Variants in CDKL2 observed in about 807,000 individuals in gnomAD.
The protein encoded by CDKL2 is cyclin dependent kinase like 2, also known as cyclin-dependent kinase-like 2.
Under a neutral mutation model 63.9 loss-of-function variants are expected in CDKL2, and 64 were observed. The observed-to-expected ratio is 1.00, with a 90% confidence interval of 0.82 to 1.23. The LOEUF is 1.23. Ranked by LOEUF, CDKL2 falls within the 50% of genes most tolerant of loss-of-function variation. The pLI is 0.00. For missense variants in CDKL2, 656 were observed against 668.0 expected, an observed-to-expected ratio of 0.98 and a Z score of 0.20; for synonymous variants, 211 against 229.2, an observed-to-expected ratio of 0.92 and a Z score of 0.72.
chr4:75,600,229 A>G (rs1560580948), intron 7 of CDKL2, 52 bp downstream of exon 7: 1 of 1,172,096 alleles, frequency 8.5e-7, no homozygotes, highest in Non-Finnish European at 1.3e-6. Context: ...CTATTGTGGA[A>G]GACTTTAACC....
intron 2 of CDKL2, among the ~76,000 whole-genome samples, chr4:75,614,923 G>GTA (rs374479098): frequency 5.3e-4 from 77 of 146,642 alleles, no homozygotes; most frequent in South Asian, 5.1e-3. Context: ...CATATATATA[G>GTA]TATATATATA....
At position 75,603,934 on chromosome 4, in the gene CDKL2, C is replaced by A. The variant is rs1160583633; in HGVS notation, c.678G>T (p.Gln226His). The A allele has an allele frequency of 6.2e-7, 1 of 1,609,828 alleles. No homozygotes were observed. Among genetic ancestry groups the A allele is most frequent in the Admixed American group, 1.7e-5 (1 of 58,576 alleles). ...MCLGNLIPRH[Q>H]ELFNKNPVFA... Reference sequence around the variant, plus strand: ...ACACAGGATTTTTATTAAAAAGCTCCTGATGCCTTGGAATTAGATTACCTG... The same window carrying A: ...ACACAGGATTTTTATTAAAAAGCTCATGATGCCTTGGAATTAGATTACCTG... The change falls in exon 6 of 14, where the codon CAG becomes CAT. Residue 226 changes from glutamine to histidine, a missense_variant. Physicochemically the swap from Gln to His is conservative, Grantham distance 24. Coordinates refer to ENST00000307465, the MANE Select transcript of CDKL2 (RefSeq NM_001330724.2).
At chr4:75,620,833 A>G (rs1223107453) in intron 2 of CDKL2, among the ~76,000 whole-genome samples, 1 of 152,210 alleles carries the variant, frequency 6.6e-6, no homozygotes, top group East Asian at 1.9e-4. Context: ...GGTTAGCCCT[A>G]AAAGTCCTCA....
At chr4:75,605,964 A>G (rs1416108041) in intron 4 of CDKL2, among the ~76,000 whole-genome samples, 1 of 152,180 alleles carries the variant, frequency 6.6e-6, no homozygotes, top group Non-Finnish European at 1.5e-5. Flanking sequence ...CTTTCCAGAA[A>G]CTTCAATCAT....
At position 75,626,033 on chromosome 4, in the gene CDKL2, C is replaced by T. The variant is rs1730392033; in HGVS notation, c.-29-16G>A. On this transcript the variant is annotated splice_polypyrimidine_tract_variant and intron_variant, in intron 1 of 13. Transcript: ENST00000307465. ...AAACTTTTTGCTGTGAAAACCAAAA[C>T]ATAGATTTAACAAAGTTGAGTACGT... The T allele has an allele frequency of 6.6e-7, 1 of 1,516,086 alleles. No homozygotes were observed. Among genetic ancestry groups the T allele is most frequent in the African/African-American group, 1.4e-5 (1 of 72,006 alleles). The allele number at this position is 1,516,086 out of a possible 1,614,324, so 93.9% of individuals were successfully genotyped here. A position where few individuals can be genotyped will look rare whatever the true frequency, so the allele number is the denominator to read the frequency against.
At chr4:75,616,756 G>GTTATAC (rs59244020) in intron 2 of CDKL2, among the ~76,000 whole-genome samples, 130,538 of 149,280 alleles carry the variant, frequency 0.87, 57,100 homozygotes, top group East Asian at 0.92. Context: ...TTTTTAAAGA[G>GTTATAC]TTATACATCA....
In CDKL2 at chr4:75,580,151, G is replaced by C. The variant is rs1020014328; in HGVS notation, c.*24-973C>G. On this transcript the variant is annotated intron_variant, in intron 13 of 13. Coordinates refer to ENST00000307465, the MANE Select transcript of CDKL2 (RefSeq NM_001330724.2). ...GCTGGGCGTGGTGGCACACACCTGT[G>C]ATCCCAGCTACTCAGGAGGCTGAGG... is the stretch of plus-strand genomic sequence containing the variant. Among the ~76,000 whole-genome samples, 5 of 151,630 alleles carry C rather than the reference G, an allele frequency of 3.3e-5. No homozygotes were observed. The East Asian group carries it at 9.8e-4, about 30-fold the overall frequency.
intron 1 of CDKL2, among the ~76,000 whole-genome samples, chr4:75,629,413 T>G (rs1163245251): frequency 1.3e-5 from 2 of 152,264 alleles, no homozygotes; most frequent in Non-Finnish European, 2.9e-5. Context: ...ACCTGCTTTT[T>G]CAAGTGACAC....
chr4:75,599,775 A>G (rs1729105448), intron 7 of CDKL2, among the ~76,000 whole-genome samples: 1 of 152,158 alleles, frequency 6.6e-6, no homozygotes, highest in Non-Finnish European at 1.5e-5. Flanking sequence ...TCATCTCACT[A>G]TTCTTTGTTT....
Position 75,618,496 on chromosome 4 carries a change from C to T in CDKL2, c.169-4047G>A, listed in dbSNP as rs140788437. ...CTGGAACTCCCAACCTTAGGTGATCCGCCCGCCTTGGCCTCCCAAAGTGCT... is the reference window on the plus strand; with the variant it reads ...CTGGAACTCCCAACCTTAGGTGATCTGCCCGCCTTGGCCTCCCAAAGTGCT... On this transcript the variant is annotated intron_variant, in intron 2 of 13. Transcript: ENST00000307465. Among the ~76,000 whole-genome samples, 891 of 152,024 alleles carry T rather than the reference C, an allele frequency of 5.9e-3. 12 individuals carry two copies. Among genetic ancestry groups the T allele is most frequent in the African/African-American group, 0.021 (854 of 41,486 alleles).
chr4:75,611,803 T>C (rs1729709579), intron 3 of CDKL2, among the ~76,000 whole-genome samples: 1 of 151,614 alleles, frequency 6.6e-6, no homozygotes, highest in Non-Finnish European at 1.5e-5. Flanking sequence ...TACAGGCATG[T>C]GCCACCACGC....
chr4:75,592,224 C>G lies in CDKL2; in HGVS notation c.1462G>C (p.Glu488Gln). ...NLFWASKKRREYSRTDVRLPE... is the reference protein window; with the variant it reads ...NLFWASKKRRQYSRTDVRLPE... ...AAACGGACATCTGTCCTGGAGTATT[C>G]TCTTCTTTTCTTACTTGCCCAAAAG... is the stretch of plus-strand genomic sequence containing the variant. Residue 488 changes from glutamate (E) to glutamine (Q), a missense_variant, in exon 11 of 14, where the codon GAA (glutamate) becomes CAA (glutamine). By Grantham distance (29) the Glu-to-Gln change is conservative (BLOSUM62 2). Transcript: ENST00000307465. 1 of 1,534,416 alleles carries G rather than the reference C, an allele frequency of 6.5e-7. No individual in the cohort carries two copies. Among genetic ancestry groups the G allele is most frequent in the Non-Finnish European group, 8.7e-7 (1 of 1,146,202 alleles).
intron 7 of CDKL2, among the ~76,000 whole-genome samples, 195 bp downstream of exon 7, chr4:75,600,086 C>T (rs536809057): frequency 6.6e-6 from 1 of 152,152 alleles, no homozygotes; most frequent in Non-Finnish European, 1.5e-5. Flanking sequence ...AAACCAAGAG[C>T]ACTAATTTAG....
At chr4:75,595,974 AAAGAAGGAAGGAAGGAAGGAAG>A (rs1560577568) in intron 10 of CDKL2, 12 of 125,972 alleles carry the variant, frequency 9.5e-5, no homozygotes, top group African/African-American at 5.6e-4. Flanking sequence ...GGAAGGAAGG[AAAGAAGGAAGGAAGGAAGGAAG>A]GAAGGAAGGA....
chr4:75,604,017 A>G (rs1272039958), intron 5 of CDKL2, 61 bp from the exon 6 acceptor site: 2 of 1,496,688 alleles, frequency 1.3e-6, no homozygotes, highest in Non-Finnish European at 1.8e-6. Flanking sequence ...TGGTGAAGAG[A>G]CAGGTGGTGT....
At chr4:75,620,412 TA>T (rs1226806238) in intron 2 of CDKL2, among the ~76,000 whole-genome samples, 1 of 152,068 alleles carries the variant, frequency 6.6e-6, no homozygotes, top group East Asian at 1.9e-4. Flanking sequence ...GGAGGGAACT[TA>T]AAACCATGAA....
intron 12 of CDKL2, among the ~76,000 whole-genome samples, chr4:75,590,331 G>A (rs767049671): frequency 8.5e-5 from 13 of 152,300 alleles, no homozygotes; most frequent in Non-Finnish European, 1.3e-4. Flanking sequence ...AAGCAATCAC[G>A]GCAATAAACC....
rs531370900 is a variant in CDKL2, at chr4:75,594,230, C to T, written c.1417-1961G>A. The stretch of plus-strand genomic sequence containing the variant: ...TGGGAGGCCAAGGTGGGCAGATCAC[C>T]TGAGGTCAGGAGTTCGAAACCAGCC... On this transcript the variant is annotated intron_variant, in intron 10 of 13. Coordinates refer to ENST00000307465, the MANE Select transcript of CDKL2 (RefSeq NM_001330724.2). Among the ~76,000 whole-genome samples, 3 of 152,160 alleles carry T rather than the reference C, an allele frequency of 2.0e-5. No individual in the cohort carries two copies. The South Asian group carries it at 6.2e-4, about 32-fold the overall frequency.
chr4:75,609,940 A>G (rs1729610294), intron 3 of CDKL2, among the ~76,000 whole-genome samples: 1 of 151,616 alleles, frequency 6.6e-6, no homozygotes, highest in Admixed American at 6.6e-5. Context: ...GCGGTGGCTC[A>G]CACCTGTAAT....
Sources: gnomAD v4.1 joint callset for allele counts (sites outside exome capture counted in the v4.1 genomes callset) on GRCh38, gnomAD v4.1.1 for gene constraint, MANE v1.5 for transcripts, NCBI Gene and HGNC (gene_info 2026-07-23, HGNC 2026-07-21) for gene names.